PPP1R13B: variants seen among roughly 807,000 people sequenced by gnomAD.
The protein encoded by PPP1R13B is apoptosis-stimulating of p53 protein 1.
Under a neutral mutation model 119.8 loss-of-function variants are expected in PPP1R13B, and 44 were observed. The observed-to-expected ratio is 0.37, with a 90% CI of 0.29 to 0.47. The LOEUF (loss-of-function observed/expected upper bound fraction) is 0.47, where lower values mean the gene tolerates loss of function less well. PPP1R13B is among the 20% of genes least tolerant of loss of function. The pLI is 0.99. For missense variants in PPP1R13B, 1,227 were observed against 1,413.5 expected (o/e 0.87, Z 2.12); for synonymous variants, 542 against 561.5 (o/e 0.97, Z 0.49).
chr14:103,796,214 T>C (rs769004809), intron 2 of PPP1R13B, among the ~76,000 whole-genome samples: 3 of 151,896 alleles, frequency 2.0e-5, no homozygotes, highest in Admixed American at 6.6e-5. Context: ...GCCCAGAAGA[T>C]AGAGGTTGCA....
In PPP1R13B at chr14:103,743,940, A is replaced by G. The variant is rs535062186; in HGVS notation, c.1151-1117T>C. On this transcript the variant is annotated intron_variant, in intron 9 of 16. Transcript: ENST00000202556. Reference sequence around the variant, plus strand: ...AGCTGCATACACTGCTGGGCTGTGAAGTTATGATGCAGGCTCCAGGCAGCG... The same window carrying G: ...AGCTGCATACACTGCTGGGCTGTGAGGTTATGATGCAGGCTCCAGGCAGCG... 4 of 152,366 alleles carry G rather than the reference A, an allele frequency of 2.6e-5. No homozygotes were observed. The South Asian group carries it at 6.2e-4, about 24-fold the overall frequency. 9.4% of individuals were successfully genotyped at this position (152,366 alleles called of 1,614,324 possible).
intron 5 of PPP1R13B, among the ~76,000 whole-genome samples, chr14:103,756,360 G>A (rs1000768142): frequency 2.0e-5 from 3 of 152,108 alleles, no homozygotes; most frequent in Non-Finnish European, 2.9e-5. Context: ...AAAGTGCTGG[G>A]ATTACAGGTA....
intron 1 of PPP1R13B, among the ~76,000 whole-genome samples, chr14:103,821,830 CATA>C (rs1431683456): frequency 6.6e-6 from 1 of 152,068 alleles, no homozygotes; most frequent in East Asian, 1.9e-4. Flanking sequence ...GATTTGAAAA[CATA>C]AGAGGGCTCC....
intron 4 of PPP1R13B, among the ~76,000 whole-genome samples, chr14:103,777,950 A>C (rs980665684): frequency 7.0e-6 from 1 of 143,368 alleles, no homozygotes. Context: ...AGATGCTACC[A>C]CATCTGACTT....
intron 1 of PPP1R13B, among the ~76,000 whole-genome samples, chr14:103,838,001 C>T (rs999623231): frequency 1.3e-5 from 2 of 152,140 alleles, no homozygotes; most frequent in African/African-American, 2.4e-5. Context: ...CACCTGTAGT[C>T]CCAGCTCCTC....
At chr14:103,829,691 C>G (rs1035747584) in intron 1 of PPP1R13B, among the ~76,000 whole-genome samples, 3 of 152,176 alleles carry the variant, frequency 2.0e-5, no homozygotes, top group African/African-American at 7.2e-5. Flanking sequence ...CTCAATGCAG[C>G]CTCAAACTCC....
In PPP1R13B at chr14:103,742,077, G is replaced by A. The variant is rs774418445; in HGVS notation, c.1535C>T (p.Pro512Leu). The change falls in exon 11 of 17, where the codon CCA (proline) becomes CTA (leucine). Residue 512 changes from proline to leucine, a missense_variant. Pro to Leu is a moderately conservative substitution (Grantham distance 98, BLOSUM62 -3). Coordinates refer to ENST00000202556, the MANE Select transcript of PPP1R13B (RefSeq NM_015316.3). The surrounding 1 kb of genome is among the most constrained non-coding windows in gnomAD (Gnocchi z 4.9). The part of the protein sequence containing the change: ...LLPATGSTPQ[P>L]GSSQQIQQRI... ...CTGCTGAATCTGTTGTGAGGAGCCTGGCTGGGGGGTGCTGCCTGTGGCGGG... is the reference window on the plus strand; with the variant it reads ...CTGCTGAATCTGTTGTGAGGAGCCTAGCTGGGGGGTGCTGCCTGTGGCGGG... The A allele has an allele frequency of 1.9e-6, 3 of 1,614,036 alleles. No homozygotes were observed. The Admixed American group carries it at 5.0e-5, about 27-fold the overall frequency.
At chr14:103,737,985 G>A in intron 14 of PPP1R13B, 125 bp from the exon 15 acceptor site, 1 of 1,153,568 alleles carries the variant, frequency 8.7e-7, no homozygotes, top group Non-Finnish European at 1.2e-6. Flanking sequence ...AAGTCTCAGT[G>A]TTGTTTCTTT....
intron 8 of PPP1R13B, among the ~76,000 whole-genome samples, chr14:103,747,657 A>G (rs2084420655): frequency 6.6e-6 from 1 of 151,290 alleles, no homozygotes; most frequent in African/African-American, 2.4e-5. Context: ...TTTATCCCTC[A>G]CTCCCTTCCC....
intron 5 of PPP1R13B, among the ~76,000 whole-genome samples, 190 bp downstream of exon 5, chr14:103,757,460 C>T (rs560480595): frequency 3.4e-4 from 52 of 152,314 alleles, no homozygotes; most frequent in Non-Finnish European, 6.0e-4. Context: ...AGCTTCCCAA[C>T]TTCCAGAAAC....
At chr14:103,790,319 A>G (rs940806212) in intron 2 of PPP1R13B, among the ~76,000 whole-genome samples, 7 of 152,146 alleles carry the variant, frequency 4.6e-5, no homozygotes, top group Middle Eastern at 3.4e-3. Context: ...AGATTTATTC[A>G]TAAGAACCAA....
intron 2 of PPP1R13B, among the ~76,000 whole-genome samples, chr14:103,785,726 G>A (rs531405854): frequency 6.6e-6 from 1 of 151,680 alleles, no homozygotes; most frequent in African/African-American, 2.4e-5. Context: ...TGGCTAGGCT[G>A]GTCTTGGCCT....
intron 1 of PPP1R13B, among the ~76,000 whole-genome samples, chr14:103,846,274 G>A (rs983662669): frequency 6.6e-6 from 1 of 152,200 alleles, no homozygotes; most frequent in Non-Finnish European, 1.5e-5. Context: ...GGGGAGAAGA[G>A]ATTATCAAGA....
intron 4 of PPP1R13B, among the ~76,000 whole-genome samples, chr14:103,773,879 T>C (rs1381043931): frequency 3.9e-5 from 6 of 152,188 alleles, no homozygotes; most frequent in East Asian, 3.8e-4. Flanking sequence ...CTCTAGACAG[T>C]TGAAATGTTA....
chr14:103,766,758 C>T (rs1244322744), intron 4 of PPP1R13B, among the ~76,000 whole-genome samples: 1 of 152,064 alleles, frequency 6.6e-6, no homozygotes, highest in Non-Finnish European at 1.5e-5. Flanking sequence ...CAAGTGCGTG[C>T]CATCACGCCC....
In PPP1R13B at chr14:103,741,990, C is replaced by A; in HGVS notation, c.1622G>T (p.Gly541Val). Residue 541 changes from glycine to valine, a missense_variant, in exon 11 of 17, where the codon GGG becomes GTG. Physicochemically the swap from Gly to Val is moderately radical, Grantham distance 109. Coordinates refer to ENST00000202556, the MANE Select transcript of PPP1R13B (RefSeq NM_015316.3). ...CAGTGGGAGTTCAGGCTTGCTGTCC[C>A]CAGCTGGAAATGCAGGTGGTCCCGC... ...PPAGPPAFPA[G>V]DSKPELPLTV... 4.3e-6 allele frequency: 7 copies of A among 1,614,268 alleles called. No homozygotes were observed. The highest frequency in any genetic ancestry group is 5.9e-6 in the Non-Finnish European group (7 of 1,180,056).
At chr14:103,754,956 A>G (rs1164317864) in intron 5 of PPP1R13B, among the ~76,000 whole-genome samples, 5 of 151,454 alleles carry the variant, frequency 3.3e-5, no homozygotes, top group Admixed American at 6.6e-5. Context: ...ATTTTTTTGT[A>G]TTTTTTTAGT....
At chr14:103,843,984 A>G (rs897764477) in intron 1 of PPP1R13B, among the ~76,000 whole-genome samples, 3 of 150,590 alleles carry the variant, frequency 2.0e-5, no homozygotes, top group Non-Finnish European at 4.4e-5. Flanking sequence ...GGCCAGGTGC[A>G]GGGGCAGAGG....
intron 2 of PPP1R13B, among the ~76,000 whole-genome samples, chr14:103,796,950 C>T (rs986998217): frequency 3.3e-5 from 5 of 151,650 alleles, no homozygotes; most frequent in African/African-American, 9.7e-5. Flanking sequence ...GACCAAGACT[C>T]CATGTCAGAA....
Sources: allele counts gnomAD v4.1 joint callset (sites outside exome capture counted in the v4.1 genomes callset), GRCh38; gene constraint gnomAD v4.1.1; non-coding constraint Gnocchi (gnomAD v3.1); transcripts MANE v1.5; gene names NCBI Gene and HGNC (gene_info 2026-07-23, HGNC 2026-07-21).